FAM124A: variants seen among roughly 807,000 people sequenced by gnomAD.
The protein encoded by FAM124A is protein FAM124A.
In FAM124A, 23 loss-of-function variants were observed where a neutral mutation model predicts 24.5. The observed-to-expected ratio is 0.94, with a 90% CI of 0.68 to 1.33. FAM124A has a LOEUF of 1.33. Among genes scored for constraint, FAM124A ranks in the 40% most tolerant of loss-of-function variants. The probability of loss-of-function intolerance (pLI) is 0.00; values close to 1 mark genes in which losing one functional copy is unlikely to be tolerated. For synonymous variants in FAM124A, 287 were observed against 314.7 expected, an observed-to-expected ratio of 0.91 and a Z score of 0.93; for missense variants, 623 against 722.8, an observed-to-expected ratio of 0.86 and a Z score of 1.58.
intron 2 of FAM124A, among the ~76,000 whole-genome samples, chr13:51,245,657 A>T (rs573025459): frequency 6.6e-5 from 10 of 152,304 alleles, no homozygotes; most frequent in Middle Eastern, 3.4e-3. Context: ...TAGTGAGAGG[A>T]CATAGTGGTG....
chr13:51,225,561 A>G (rs1431891637), intron 1 of FAM124A, among the ~76,000 whole-genome samples: 1 of 152,236 alleles, frequency 6.6e-6, no homozygotes, highest in Non-Finnish European at 1.5e-5. Flanking sequence ...GGAGTCAAAG[A>G]AAGAAGAATA....
chr13:51,269,599 A>C (rs1378431128), intron 3 of FAM124A, among the ~76,000 whole-genome samples: 1 of 152,256 alleles, frequency 6.6e-6, no homozygotes, highest in East Asian at 1.9e-4. Flanking sequence ...CTACTTAAAA[A>C]GAAAATCAAT....
At chr13:51,264,240 T>C (rs901610489) in intron 3 of FAM124A, among the ~76,000 whole-genome samples, 1 of 152,200 alleles carries the variant, frequency 6.6e-6, no homozygotes, top group African/African-American at 2.4e-5. Context: ...AATCTTATAG[T>C]CACTGGATGA....
chr13:51,280,590 T>C lies in FAM124A; in HGVS notation c.975T>C (p.Ser325=). Residue 325 remains serine, a synonymous_variant, in exon 4 of 4, where the codon AGT becomes AGC. Transcript: ENST00000322475. ...PGSSQQSPLN[S]PHPGPIRTGL... ...GCAGCCAGCAGTCCCCGCTCAACAG[T>C]CCTCACCCGGGGCCCATCCGGACAG... 1 of 1,613,902 alleles carries C rather than the reference T, an allele frequency of 6.2e-7. No individual in the cohort carries two copies. Among genetic ancestry groups the C allele is most frequent in the Non-Finnish European group, 8.5e-7 (1 of 1,179,992 alleles).
chr13:51,270,035 C>T (rs1042517625), intron 3 of FAM124A, among the ~76,000 whole-genome samples: 1 of 152,166 alleles, frequency 6.6e-6, no homozygotes. Context: ...CCACAGTGTT[C>T]CTGGAGATGT....
chr13:51,280,893 T>G lies in FAM124A; in HGVS notation c.1278T>G (p.Ser426=). ...TGCGGCTGTCCTCATCGGACCTGTC[T>G]GTGGTCTCTGCATATTCTGCACCCA... ...TGLRLSSSDL[S]VVSAYSAPSR... is the part of the protein sequence containing the mutation. Residue 426 remains serine (S), a synonymous_variant, in exon 4 of 4, where the codon TCT becomes TCG. Transcript: ENST00000322475. The G allele has an allele frequency of 6.2e-7, 1 of 1,614,170 alleles. No individual in the cohort carries two copies. The highest frequency in any genetic ancestry group is 8.5e-7 in the Non-Finnish European group (1 of 1,180,022).
At chr13:51,222,732 GGGCAGGGCGGGCACCACCC>G (rs754743029) in intron 1 of FAM124A, among the ~76,000 whole-genome samples, 163 bp downstream of exon 1, 5 of 152,274 alleles carry the variant, frequency 3.3e-5, no homozygotes, top group Admixed American at 1.3e-4. Context: ...GCGCTGCCCT[GGGCAGGGCGGGCACCACCC>G]GGGGGGAGGA....
At chr13:51,241,366 G>C (rs1164256070) in intron 2 of FAM124A, among the ~76,000 whole-genome samples, 1 of 152,146 alleles carries the variant, frequency 6.6e-6, no homozygotes, top group Non-Finnish European at 1.5e-5. Flanking sequence ...GAAGGTCTTG[G>C]CTTCTCAGTT....
Position 51,257,271 on chromosome 13 carries a change from C to G in FAM124A, c.834+5070C>G, listed in dbSNP as rs373143923. ...GGAAAGGAACCACCACACTGTTCTC[C>G]ATAGCAGCTGTGTCATTTCACATTC... On this transcript the variant is annotated intron_variant, in intron 3 of 3. Transcript: ENST00000322475. Among the ~76,000 whole-genome samples the G allele has an allele frequency of 4.6e-5, 7 of 152,216 alleles. No homozygotes were observed. The South Asian group carries it at 1.2e-3, about 27-fold the overall frequency.
chr13:51,240,459 A>G (rs1954478959), intron 2 of FAM124A, among the ~76,000 whole-genome samples: 1 of 152,184 alleles, frequency 6.6e-6, no homozygotes, highest in Admixed American at 6.5e-5. Context: ...TAGTTGCAAG[A>G]CGTCTTTCCT....
intron 1 of FAM124A, among the ~76,000 whole-genome samples, chr13:51,224,188 G>GC (rs1954292545): frequency 6.6e-6 from 1 of 152,246 alleles, no homozygotes; most frequent in Non-Finnish European, 1.5e-5. Context: ...AGAATTCTTG[G>GC]CCAGGTGCGG....
At position 51,252,005 on chromosome 13, in the gene FAM124A, A is replaced by G. The variant is rs1954629540; in HGVS notation, c.638A>G (p.Asn213Ser). ...ADFCIFPIFS[N>S]LDVDIQFSLK... ...TTCTGCATCTTCCCTATTTTTTCCA[A>G]CCTGGATGTGGACATCCAGTTCTCC... Residue 213 changes from asparagine (N) to serine (S), a missense_variant, in exon 3 of 4, where the codon AAC (asparagine) becomes AGC (serine). Coordinates refer to ENST00000322475, the MANE Select transcript of FAM124A (RefSeq NM_001242312.2). 3 of 1,614,082 alleles carry G rather than the reference A, an allele frequency of 1.9e-6. No homozygotes were observed. Among genetic ancestry groups the G allele is most frequent in the Non-Finnish European group, 2.5e-6 (3 of 1,180,016 alleles).
At chr13:51,223,597 C>T (rs546622039) in intron 1 of FAM124A, among the ~76,000 whole-genome samples, 4 of 152,266 alleles carry the variant, frequency 2.6e-5, no homozygotes, top group Admixed American at 1.3e-4. Context: ...AGAGTTCTAA[C>T]CCAACCCCGG....
chr13:51,225,068 A>G (rs1954303024), intron 1 of FAM124A: 1 of 152,232 alleles, frequency 6.6e-6, no homozygotes, highest in Non-Finnish European at 1.5e-5. Flanking sequence ...GTTGTATGCA[A>G]AATGATGTGC....
chr13:51,253,944 T>TC (rs746064617), intron 3 of FAM124A, among the ~76,000 whole-genome samples: 35 of 151,958 alleles, frequency 2.3e-4, no homozygotes, highest in South Asian at 1.2e-3. Flanking sequence ...ATGCATTACC[T>TC]CTCCCCCCAA....
intron 3 of FAM124A, among the ~76,000 whole-genome samples, chr13:51,270,526 T>C (rs1470807148): frequency 1.3e-5 from 2 of 152,226 alleles, no homozygotes; most frequent in Non-Finnish European, 2.9e-5. Context: ...TTGCAGATAA[T>C]AGAATAGCCA....
chr13:51,246,306 A>G (rs1291764406), intron 2 of FAM124A, among the ~76,000 whole-genome samples: 1 of 149,082 alleles, frequency 6.7e-6, no homozygotes, highest in Admixed American at 6.9e-5. Context: ...AGGGAGGCAT[A>G]GAGACTTTTC....
chr13:51,231,472 G>A (rs1954376742), intron 2 of FAM124A, 93 bp downstream of exon 2: 16 of 1,328,170 alleles, frequency 1.2e-5, no homozygotes, highest in Non-Finnish European at 1.6e-5. Context: ...TTTTATAGTA[G>A]GTAAGAATCA....
intron 3 of FAM124A, among the ~76,000 whole-genome samples, chr13:51,279,533 C>T (rs1164349104): frequency 1.3e-5 from 2 of 152,208 alleles, no homozygotes; most frequent in Non-Finnish European, 2.9e-5. Context: ...GCCTTGGGTT[C>T]TGGCCTGTAT....
Sources: gnomAD v4.1 joint callset for allele counts (sites outside exome capture counted in the v4.1 genomes callset) on GRCh38, gnomAD v4.1.1 for gene constraint, MANE v1.5 for transcripts, NCBI Gene and HGNC (gene_info 2026-07-23, HGNC 2026-07-21) for gene names.